ZNF704: variants seen among roughly 807,000 people sequenced by gnomAD.
The protein encoded by ZNF704 is zinc finger protein 704.
A neutral mutation model predicts 44.7 loss-of-function variants in ZNF704; 10 were observed. The ratio of observed to expected loss-of-function variants is 0.22; its 90% CI spans 0.14 to 0.38. ZNF704 has a LOEUF of 0.38. Among genes scored for constraint, ZNF704 ranks in the 10% least tolerant of loss-of-function variants. The pLI is 1.00. For missense variants in ZNF704, 390 were observed against 545.5 expected, an observed-to-expected ratio of 0.71 and a Z score of 2.84; for synonymous variants, 211 against 207.6, an observed-to-expected ratio of 1.02 and a Z score of -0.14.
Position 80,629,326 on chromosome 8 carries a change from C to CA in ZNF704, c.*12039dup. The CA allele has an allele frequency of 6.6e-6, 1 of 152,258 alleles. No homozygotes were observed. The highest frequency in any genetic ancestry group is 6.5e-5 in the Admixed American group (1 of 15,296). The allele number at this position is 152,258 out of a possible 1,614,324, so 9.4% of individuals were successfully genotyped here. On this transcript the variant is annotated 3_prime_UTR_variant, in exon 9 of 9. Coordinates refer to ENST00000327835, the MANE Select transcript of ZNF704 (RefSeq NM_001033723.3). The stretch of plus-strand genomic sequence containing the variant: ...TTTGGCTAAAAATCATATAAAAAGA[C>CA]ACAATGCCCCTTCCCCAATAACTTC...
At chr8:80,849,065 G>A (rs1479028129) in intron 1 of ZNF704, among the ~76,000 whole-genome samples, 1 of 152,096 alleles carries the variant, frequency 6.6e-6, no homozygotes, top group Non-Finnish European at 1.5e-5. Context: ...TCTAGTGGAG[G>A]ATACATGGAA....
intron 2 of ZNF704, among the ~76,000 whole-genome samples, chr8:80,796,863 T>C (rs1317518233): frequency 9.4e-6 from 1 of 106,750 alleles, no homozygotes; most frequent in East Asian, 2.4e-4. Context: ...AAAAGAGAAA[T>C]GAAAGAGAGA....
intron 1 of ZNF704, among the ~76,000 whole-genome samples, chr8:80,836,241 C>A (rs566525045): frequency 6.6e-6 from 1 of 152,304 alleles, no homozygotes; most frequent in South Asian, 2.1e-4. Context: ...ACTCTCACAG[C>A]TACCCCCAGC....
chr8:80,755,421 C>T (rs1349924748), intron 2 of ZNF704, among the ~76,000 whole-genome samples: 1 of 152,164 alleles, frequency 6.6e-6, no homozygotes, highest in East Asian at 1.9e-4. Flanking sequence ...TGCCACTGCA[C>T]TCCAGCCTGG....
chr8:80,869,612 A>T (rs1045243006), intron 1 of ZNF704, among the ~76,000 whole-genome samples: 2 of 152,150 alleles, frequency 1.3e-5, no homozygotes, highest in African/African-American at 4.8e-5. Context: ...TTCCTCCTGT[A>T]GTTTTTTCTT....
the ZNF704 span, among the ~76,000 whole-genome samples, chr8:80,881,496 C>A: frequency 6.6e-6 from 1 of 151,926 alleles, no homozygotes; most frequent in South Asian, 2.1e-4. Context: ...TAATACATAG[C>A]GTAAAAAAAA....
At chr8:80,684,314 T>C (rs936274256) in intron 4 of ZNF704, among the ~76,000 whole-genome samples, 1 of 152,246 alleles carries the variant, frequency 6.6e-6, no homozygotes, top group Non-Finnish European at 1.5e-5. Flanking sequence ...CATACACATA[T>C]GTATACACTG....
intron 1 of ZNF704, among the ~76,000 whole-genome samples, chr8:80,855,963 G>C (rs974869148): frequency 6.6e-6 from 1 of 152,106 alleles, no homozygotes; most frequent in Non-Finnish European, 1.5e-5. Flanking sequence ...TCTAATGCCT[G>C]TTCAGTTCTT....
intron 1 of ZNF704, among the ~76,000 whole-genome samples, chr8:80,848,615 T>G (rs1808806822): frequency 6.6e-6 from 1 of 151,980 alleles, no homozygotes; most frequent in South Asian, 2.1e-4. Flanking sequence ...GGGGCCAAGG[T>G]GGGTGGATCC....
chr8:80,679,168 C>G (rs934338193), intron 4 of ZNF704, among the ~76,000 whole-genome samples: 9 of 152,078 alleles, frequency 5.9e-5, no homozygotes, highest in South Asian at 2.1e-4. Context: ...TGCACCACCC[C>G]CTACTGATTT....
intron 2 of ZNF704, among the ~76,000 whole-genome samples, chr8:80,819,648 G>A (rs1045036130): frequency 6.6e-6 from 1 of 151,778 alleles, no homozygotes; most frequent in African/African-American, 2.4e-5. Flanking sequence ...AGATGCCTAT[G>A]AGGGTCAGGG....
rs913369205 is a variant in ZNF704 at position 80,638,862 on chromosome 8, A to C, written c.*2504T>G. The C allele has an allele frequency of 1.3e-5, 2 of 152,330 alleles. No individual in the cohort carries two copies. Among genetic ancestry groups the C allele is most frequent in the African/African-American group, 4.8e-5 (2 of 41,452 alleles). The allele number at this position is 152,330 out of a possible 1,614,324, so 9.4% of individuals were successfully genotyped here. A position where few individuals can be genotyped will look rare whatever the true frequency, so the allele number is the denominator to read the frequency against. ...CCCCAACTTGGGTAGGAGGTACAGA[A>C]CTGTGTGAAAAATGCTTTAGAAAGG... On this transcript the variant is annotated 3_prime_UTR_variant, in exon 9 of 9. Transcript: ENST00000327835.
At chr8:80,804,848 GA>G (rs896845815) in intron 2 of ZNF704, among the ~76,000 whole-genome samples, 5 of 150,100 alleles carry the variant, frequency 3.3e-5, no homozygotes, top group Non-Finnish European at 7.4e-5. Flanking sequence ...AGAAGTTGAA[GA>G]AAAAAAAAGC....
chr8:80,662,180 G>A (rs1818112351), intron 6 of ZNF704, among the ~76,000 whole-genome samples: 1 of 152,106 alleles, frequency 6.6e-6, no homozygotes, highest in East Asian at 1.9e-4. Context: ...AAACAGTTCT[G>A]CAACAGATCC....
In ZNF704 at chr8:80,643,426, G is replaced by A. The variant is rs539865218; in HGVS notation, c.1033-297C>T. The stretch of plus-strand genomic sequence containing the variant: ...CCAGCTACTTGGGAGGCTGAGGCAG[G>A]AGAACTGCTTGAACCCCGGGGCGGA... On this transcript the variant is annotated intron_variant, in intron 7 of 8. Coordinates refer to ENST00000327835, the MANE Select transcript of ZNF704 (RefSeq NM_001033723.3). 4.0e-5 allele frequency among the ~76,000 whole-genome samples: 6 copies of A among 149,296 alleles called. 1 individual carries two copies. The highest frequency in any genetic ancestry group is 7.4e-5 in the Non-Finnish European group (5 of 67,608).
chr8:80,665,004 C>A lies in ZNF704; in HGVS notation c.738G>T (p.Val246=), dbSNP rs1476128674. 6.2e-7 allele frequency: 1 copy of A among 1,614,250 alleles called. No homozygotes were observed. The highest frequency in any genetic ancestry group is 8.5e-7 in the Non-Finnish European group (1 of 1,180,040). ...YTEIKLNTDS[V]ADGLSSLAPV... is the part of the protein sequence containing the mutation. ...GGGCCAGGCTGCTCAGCCCGTCTGC[C>A]ACTGAGTCTGTGTTGAGCTTGATCT... The change falls in exon 6 of 9, where the codon GTG becomes GTT. Residue 246 remains valine, a synonymous_variant. Transcript: ENST00000327835.
intron 4 of ZNF704, among the ~76,000 whole-genome samples, chr8:80,672,061 GA>G (rs1007225709): frequency 2.6e-5 from 4 of 151,940 alleles, no homozygotes; most frequent in African/African-American, 4.8e-5. Context: ...AATACAGCTA[GA>G]AAAAAACATT....
At chr8:80,687,188 G>T in intron 4 of ZNF704, 38 bp downstream of exon 4, 1 of 1,577,202 alleles carries the variant, frequency 6.3e-7, no homozygotes, top group Non-Finnish European at 8.7e-7. Flanking sequence ...GCACCTTCAG[G>T]AAACTGAATG....
intron 1 of ZNF704, among the ~76,000 whole-genome samples, chr8:80,822,548 T>C (rs910272404): frequency 7.2e-5 from 11 of 152,346 alleles, no homozygotes; most frequent in African/African-American, 1.9e-4. Context: ...TTATAATCCT[T>C]TGGGTATATA....
Sources: gnomAD v4.1 joint callset for allele counts (sites outside exome capture counted in the v4.1 genomes callset) on GRCh38, gnomAD v4.1.1 for gene constraint, MANE v1.5 for transcripts, NCBI Gene and HGNC (gene_info 2026-07-23, HGNC 2026-07-21) for gene names.